The following RPTOR variants were observed in gnomAD, a reference collection of about 807,000 sequenced individuals.
RPTOR encodes regulatory-associated protein of mTOR.
In RPTOR, 21 loss-of-function variants were observed where a neutral mutation model predicts 169.9. The ratio of observed to expected loss-of-function variants is 0.12; its 90% CI spans 0.09 to 0.18. The LOEUF (loss-of-function observed/expected upper bound fraction) is 0.18, where lower values mean the gene tolerates loss of function less well. Ranked by LOEUF, RPTOR falls within the 10% of genes least tolerant of loss-of-function variation. RPTOR has a pLI of 1.00. For missense variants in RPTOR, 1,133 were observed against 1,855.9 expected (o/e 0.61, Z 7.16); for synonymous variants, 732 against 753.2 (o/e 0.97, Z 0.46).
At chr17:80,814,390 T>C (rs2067303394) in intron 7 of RPTOR, among the ~76,000 whole-genome samples, 1 of 152,192 alleles carries the variant, frequency 6.6e-6, no homozygotes. Context: ...CTAAGTGTAT[T>C]CTTGGGTATT....
chr17:80,895,649 T>C (rs1276815541), intron 20 of RPTOR, among the ~76,000 whole-genome samples: 1 of 152,244 alleles, frequency 6.6e-6, no homozygotes, highest in Admixed American at 6.5e-5. Context: ...AGAGTGAAGC[T>C]GCTGCGTGAA....
intron 1 of RPTOR, 71 bp downstream of exon 1, chr17:80,545,862 G>A: frequency 3.0e-6 from 4 of 1,349,666 alleles, no homozygotes; most frequent in Non-Finnish European, 4.0e-6. Flanking sequence ...AGCCCGAAAA[G>A]TGTCCTTGGG....
chr17:80,632,687 G>A (rs1300244309), intron 2 of RPTOR, among the ~76,000 whole-genome samples: 1 of 152,122 alleles, frequency 6.6e-6, no homozygotes, highest in Admixed American at 6.5e-5. Flanking sequence ...TAGGTTCCTG[G>A]TCCTGGTGAT....
chr17:80,850,237 C>T (rs1314737373), intron 11 of RPTOR, among the ~76,000 whole-genome samples: 3 of 152,184 alleles, frequency 2.0e-5, no homozygotes, highest in African/African-American at 7.2e-5. Flanking sequence ...TCTCCGGTGC[C>T]TGTTATTCCA....
intron 4 of RPTOR, among the ~76,000 whole-genome samples, chr17:80,724,190 A>G (rs2066310641): frequency 6.6e-6 from 1 of 151,106 alleles, no homozygotes; most frequent in South Asian, 2.1e-4. Context: ...GGTGAATACA[A>G]ATGTGGTGGA....
chr17:80,595,950 A>G (rs1235432338), intron 1 of RPTOR, among the ~76,000 whole-genome samples: 1 of 152,220 alleles, frequency 6.6e-6, no homozygotes, highest in Non-Finnish European at 1.5e-5. Flanking sequence ...AAATGGACCT[A>G]TACAAGTTGA....
chr17:80,758,231 GCAC>G (rs558731131), intron 6 of RPTOR, among the ~76,000 whole-genome samples: 7 of 152,234 alleles, frequency 4.6e-5, no homozygotes, highest in Non-Finnish European at 8.8e-5. Flanking sequence ...TGACCTTATG[GCAC>G]CAAGGGCTGT....
chr17:80,836,575 C>T (rs990780570), intron 9 of RPTOR, among the ~76,000 whole-genome samples: 3 of 152,160 alleles, frequency 2.0e-5, no homozygotes, highest in Admixed American at 2.0e-4. Context: ...GTCCCTCTGC[C>T]ACAGGGCTAG....
intron 1 of RPTOR, among the ~76,000 whole-genome samples, chr17:80,577,095 G>T (rs1458386120): frequency 6.7e-6 from 1 of 150,224 alleles, no homozygotes; most frequent in African/African-American, 2.5e-5. Context: ...GCAGTGGCAC[G>T]ATCTCAGCTC....
chr17:80,964,127 G>T (rs1215367144), intron 33 of RPTOR, 135 bp from the exon 34 acceptor site: 3 of 750,462 alleles, frequency 4.0e-6, no homozygotes, highest in East Asian at 2.7e-5. Context: ...GGCATTTCCG[G>T]GCCTGAGGTG....
intron 3 of RPTOR, among the ~76,000 whole-genome samples, chr17:80,648,939 G>T (rs150856735): frequency 1.3e-5 from 2 of 152,308 alleles, no homozygotes; most frequent in African/African-American, 4.8e-5. Context: ...TGTAAGATGT[G>T]ACTTGCGCCT....
intron 22 of RPTOR, 115 bp from the exon 23 acceptor site, chr17:80,923,375 C>T (rs2068770562): frequency 1.7e-6 from 2 of 1,167,062 alleles, no homozygotes; most frequent in Admixed American, 1.9e-5. Flanking sequence ...TGAGGACACC[C>T]CGGGCCCTGG....
intron 3 of RPTOR, among the ~76,000 whole-genome samples, chr17:80,672,874 G>A (rs1410588093): frequency 6.6e-6 from 1 of 152,108 alleles, no homozygotes; most frequent in African/African-American, 2.4e-5. Context: ...CATTTAATCT[G>A]TCCCTAAAGA....
intron 28 of RPTOR, among the ~76,000 whole-genome samples, chr17:80,953,313 A>C (rs890878517): frequency 6.6e-6 from 1 of 152,358 alleles, no homozygotes; most frequent in East Asian, 1.9e-4. Flanking sequence ...GCTGTCACCC[A>C]GGCTGGAATG....
chr17:80,678,937 G>A (rs531885508), intron 3 of RPTOR, among the ~76,000 whole-genome samples: 2 of 152,326 alleles, frequency 1.3e-5, no homozygotes, highest in South Asian at 2.1e-4. Flanking sequence ...GGGTGGGGGC[G>A]ATGTTTGTGT....
In RPTOR at chr17:80,922,893, C is replaced by G. The variant is rs1388407858; in HGVS notation, c.2624+66C>G. On this transcript the variant is annotated intron_variant, in intron 22 of 33. Transcript: ENST00000306801. ...CCGGGGCCCCACGGGCTGAGCTGTC[C>G]CTGAGCCGGCCTCCCCATCCTCCTC... 6.1e-6 allele frequency: 8 copies of G among 1,307,506 alleles called. No homozygotes were observed. In the Admixed American group the frequency reaches 6.5e-5, roughly 11 times the overall value. 81.0% of individuals were successfully genotyped at this position (1,307,506 alleles called of 1,614,324 possible).
chr17:80,691,447 T>A (rs142857893), intron 3 of RPTOR, among the ~76,000 whole-genome samples: 7 of 151,766 alleles, frequency 4.6e-5, no homozygotes, highest in African/African-American at 1.7e-4. Context: ...GTGAGTGATG[T>A]GTGTGTGTGC....
intron 12 of RPTOR, among the ~76,000 whole-genome samples, chr17:80,856,182 G>A (rs1276733868): frequency 6.6e-6 from 1 of 152,212 alleles, no homozygotes; most frequent in Non-Finnish European, 1.5e-5. Context: ...TGGTTCTGTT[G>A]AAGTTCCAAA....
At chr17:80,940,659 G>C in intron 25 of RPTOR, 58 bp downstream of exon 25, 2 of 1,443,648 alleles carry the variant, frequency 1.4e-6, no homozygotes, top group South Asian at 2.4e-5. Context: ...CCTGGGGCGA[G>C]GGTCCCCTGT....
Sources: allele counts gnomAD v4.1 joint callset (sites outside exome capture counted in the v4.1 genomes callset), GRCh38; gene constraint gnomAD v4.1.1; transcripts MANE v1.5; gene names NCBI Gene and HGNC (gene_info 2026-07-23, HGNC 2026-07-21).